The following ALG14 variants were observed in gnomAD, a reference collection of about 807,000 sequenced individuals.
The protein encoded by ALG14 is UDP-N-acetylglucosamine transferase subunit ALG14.
A neutral mutation model predicts 22.8 loss-of-function variants in ALG14; 17 were observed. The ratio of observed to expected loss-of-function variants is 0.75; its 90% CI spans 0.51 to 1.12. The LOEUF (loss-of-function observed/expected upper bound fraction) is 1.12. Among genes scored for constraint, ALG14 ranks in the 50% most tolerant of loss-of-function variants. The probability of loss-of-function intolerance (pLI) is 0.00; values close to 1 mark genes in which losing one functional copy is unlikely to be tolerated. For missense variants in ALG14, 288 were observed against 271.8 expected, an observed-to-expected ratio of 1.06 and a Z score of -0.42; for synonymous variants, 89 against 103.7, an observed-to-expected ratio of 0.86 and a Z score of 0.86.
intron 3 of ALG14, among the ~76,000 whole-genome samples, chr1:95,012,910 A>T (rs1331286716): frequency 1.3e-5 from 2 of 152,230 alleles, no homozygotes; most frequent in Non-Finnish European, 2.9e-5. Context: ...ATGAGGGCGA[A>T]TCACCTGAGG....
At position 94,981,967 on chromosome 1, in the gene ALG14, G is replaced by A. The variant is rs932313158; in HGVS notation, c.*1109C>T. 3 of 152,104 alleles carry A rather than the reference G, an allele frequency of 2.0e-5. No homozygotes were observed. Among genetic ancestry groups the A allele is most frequent in the African/African-American group, 7.2e-5 (3 of 41,420 alleles). The allele number at this position is 152,104 out of a possible 1,614,324, so 9.4% of individuals were successfully genotyped here. A position where few individuals can be genotyped will look rare whatever the true frequency, so the allele number is the denominator to read the frequency against. On this transcript the variant is annotated 3_prime_UTR_variant, in exon 4 of 4. Transcript: ENST00000370205. ...CCCTCTTCAGTGCAGAACTCTGTGT[G>A]ACTGCACAGGCCACACACCCGTGAA...
At chr1:94,986,378 T>C (rs1447227985) in intron 3 of ALG14, among the ~76,000 whole-genome samples, 2 of 152,230 alleles carry the variant, frequency 1.3e-5, no homozygotes, top group Non-Finnish European at 2.9e-5. Flanking sequence ...GAGTGGGTCT[T>C]TGCTTACCCT....
At chr1:95,015,485 A>G (rs1338283861) in intron 3 of ALG14, among the ~76,000 whole-genome samples, 2 of 152,252 alleles carry the variant, frequency 1.3e-5, no homozygotes, top group Non-Finnish European at 2.9e-5. Context: ...AGGAGTTCAC[A>G]GGAGGGCAAG....
chr1:95,013,180 T>C (rs559442594), intron 3 of ALG14, among the ~76,000 whole-genome samples: 1 of 151,818 alleles, frequency 6.6e-6, no homozygotes, highest in African/African-American at 2.4e-5. Context: ...TCACAAATGT[T>C]AGAGTTGCTA....
At chr1:95,040,773 G>A (rs935021904) in intron 2 of ALG14, among the ~76,000 whole-genome samples, 3 of 152,100 alleles carry the variant, frequency 2.0e-5, no homozygotes, top group Non-Finnish European at 4.4e-5. Context: ...GCTTTGAAAT[G>A]GAGAAACAAC....
intron 3 of ALG14, among the ~76,000 whole-genome samples, chr1:95,018,039 G>A (rs1673552423): frequency 6.6e-6 from 1 of 152,156 alleles, no homozygotes; most frequent in African/African-American, 2.4e-5. Flanking sequence ...GAAGCTAACT[G>A]ATTAGCTTTG....
At position 95,072,762 on chromosome 1, in the gene ALG14, C is replaced by G. The variant is rs150550220; in HGVS notation, c.136+1G>C. 111 of 1,613,948 alleles carry G rather than the reference C, an allele frequency of 6.9e-5. No homozygotes were observed. The highest frequency in any genetic ancestry group is 1.3e-4 in the Admixed American group (8 of 59,998). ...CCGACAGTCGCCTCCTCGATACTTACCGGACCCAGCCACTACCAAGATACT... is the reference window on the plus strand; with the variant it reads ...CCGACAGTCGCCTCCTCGATACTTAGCGGACCCAGCCACTACCAAGATACT... On this transcript the variant is annotated splice_donor_variant, in intron 1 of 3. Transcript: ENST00000370205. LOFTEE classifies it high-confidence loss of function.
chr1:94,982,913 TCA>T lies in ALG14; in HGVS notation c.*161_*162del. On this transcript the variant is annotated 3_prime_UTR_variant, in exon 4 of 4. Coordinates refer to ENST00000370205, the MANE Select transcript of ALG14 (RefSeq NM_144988.4). ...CAATGTTTGTTTCATAAGAGAAGCC[TCA>T]GTTTCTTCACTGAGTCATCTGTACA... 1.6e-6 allele frequency: 1 copy of T among 623,180 alleles called. No homozygotes were observed. Among genetic ancestry groups the T allele is most frequent in the Non-Finnish European group, 2.8e-6 (1 of 358,176 alleles). 38.6% of individuals were successfully genotyped at this position (623,180 alleles called of 1,614,324 possible).
chr1:95,051,751 C>T (rs1262011514), intron 2 of ALG14, among the ~76,000 whole-genome samples: 2 of 152,208 alleles, frequency 1.3e-5, no homozygotes, highest in Non-Finnish European at 2.9e-5. Context: ...TTTGCAGTTA[C>T]TGCTTCCTCT....
Position 94,999,265 on chromosome 1 carries a change from A to G in ALG14, c.421-15959T>C, listed in dbSNP as rs546237026. 1.8e-4 allele frequency among the ~76,000 whole-genome samples: 28 copies of G among 151,512 alleles called. No homozygotes were observed. The South Asian group carries it at 4.6e-3, about 25-fold the overall frequency. ...TTAAATCCCTCCACCCCCACCAAAA[A>G]AGACATAGTCCACAAAGTTAAAAAA... On this transcript the variant is annotated intron_variant, in intron 3 of 3. Coordinates refer to ENST00000370205, the MANE Select transcript of ALG14 (RefSeq NM_144988.4).
intron 3 of ALG14, among the ~76,000 whole-genome samples, chr1:95,002,516 T>TC (rs1673096002): frequency 6.6e-6 from 1 of 152,058 alleles, no homozygotes; most frequent in African/African-American, 2.4e-5. Context: ...GGGAGACAGA[T>TC]AAAAGAACAG....
intron 3 of ALG14, among the ~76,000 whole-genome samples, chr1:95,012,115 C>T (rs1673380628): frequency 1.3e-5 from 2 of 152,182 alleles, no homozygotes; most frequent in Non-Finnish European, 2.9e-5. Context: ...CCATGTAAAA[C>T]GTGCCTTTTG....
At chr1:95,022,429 C>T (rs759277238) in intron 3 of ALG14, 44 of 903,182 alleles carry the variant, frequency 4.9e-5, no homozygotes, top group Non-Finnish European at 5.7e-5. Flanking sequence ...TCACATCAAA[C>T]CACTTCTCGC....
intron 2 of ALG14, among the ~76,000 whole-genome samples, chr1:95,038,776 C>T (rs113466153): frequency 0.019 from 2,740 of 146,702 alleles, 90 homozygotes; most frequent in African/African-American, 0.066. Context: ...TGGAGAGCAG[C>T]GGCATGATCA....
At chr1:94,998,955 A>T (rs928318054) in intron 3 of ALG14, among the ~76,000 whole-genome samples, 6 of 152,124 alleles carry the variant, frequency 3.9e-5, no homozygotes, top group Non-Finnish European at 7.4e-5. Flanking sequence ...AAAAAATCTC[A>T]TGGGAAGCCT....
intron 3 of ALG14, among the ~76,000 whole-genome samples, chr1:95,018,382 A>C (rs1673564784): frequency 6.6e-6 from 1 of 152,048 alleles, no homozygotes; most frequent in African/African-American, 2.4e-5. Flanking sequence ...CTGAAAATAA[A>C]AAAATTAGCT....
intron 3 of ALG14, among the ~76,000 whole-genome samples, chr1:94,999,823 C>T (rs1380301465): frequency 2.0e-5 from 3 of 152,188 alleles, no homozygotes; most frequent in East Asian, 1.9e-4. Flanking sequence ...TTCCTTTTCT[C>T]GCCCAAATCC....
chr1:95,031,800 C>T lies in ALG14; in HGVS notation c.289-4540G>A, dbSNP rs573825849. Among the ~76,000 whole-genome samples the T allele has an allele frequency of 1.4e-3, 206 of 152,260 alleles. No homozygotes were observed. In the Middle Eastern group the frequency reaches 0.024, roughly 18 times the overall value. ...GTCTCCTCCATTAGAACATAACTTACACAAGGAGGCCAGGAACTTACTTTT... is the reference window on the plus strand; with the variant it reads ...GTCTCCTCCATTAGAACATAACTTATACAAGGAGGCCAGGAACTTACTTTT... On this transcript the variant is annotated intron_variant, in intron 2 of 3. Coordinates refer to ENST00000370205, the MANE Select transcript of ALG14 (RefSeq NM_144988.4).
chr1:94,997,906 T>C (rs1255329247), intron 3 of ALG14, among the ~76,000 whole-genome samples: 2 of 152,154 alleles, frequency 1.3e-5, no homozygotes, highest in African/African-American at 4.8e-5. Context: ...TTTGACTGCA[T>C]TACAGTCTTC....
Sources: allele counts gnomAD v4.1 joint callset (sites outside exome capture counted in the v4.1 genomes callset), GRCh38; gene constraint gnomAD v4.1.1; transcripts MANE v1.5; gene names NCBI Gene and HGNC (gene_info 2026-07-23, HGNC 2026-07-21).